RANBP2: variants seen among roughly 807,000 people sequenced by gnomAD.
RANBP2 encodes the protein E3 SUMO-protein ligase RanBP2.
A neutral mutation model predicts 303.6 loss-of-function variants in RANBP2; 57 were observed. The observed-to-expected ratio is 0.19, with a 90% CI of 0.15 to 0.23. The LOEUF is 0.23. RANBP2 is among the 10% of genes least tolerant of loss of function. The probability of loss-of-function intolerance (pLI) is 1.00; values close to 1 mark genes in which losing one functional copy is unlikely to be tolerated. For synonymous variants in RANBP2, 1,167 were observed against 1,301.5 expected (o/e 0.90, Z 2.23); for missense variants, 3,138 against 3,780.8 (o/e 0.83, Z 4.46).
the RANBP2 span, among the ~76,000 whole-genome samples, chr2:109,063,277 T>C: frequency 6.6e-6 from 1 of 152,140 alleles, no homozygotes; most frequent in Non-Finnish European, 1.5e-5. Flanking sequence ...GCTTTTGATC[T>C]TGCTTCAAAT....
chr2:109,602,103 CA>C, the RANBP2 span, among the ~76,000 whole-genome samples: 1 of 152,168 alleles, frequency 6.6e-6, no homozygotes, highest in South Asian at 2.1e-4. Context: ...AGGGTTCCAA[CA>C]GCGGCACAGT....
the RANBP2 span, among the ~76,000 whole-genome samples, chr2:109,078,305 G>GTA: frequency 1.1e-4 from 14 of 123,470 alleles, no homozygotes; most frequent in South Asian, 2.7e-4. Flanking sequence ...TATATAGCGT[G>GTA]TATATATATA....
chr2:109,507,442 G>A, the RANBP2 span, among the ~76,000 whole-genome samples: 1 of 152,316 alleles, frequency 6.6e-6, no homozygotes, highest in South Asian at 2.1e-4. Flanking sequence ...TGGGGCCTGT[G>A]AGCTGTTGGA....
the RANBP2 span, among the ~76,000 whole-genome samples, chr2:109,703,434 T>C: frequency 6.6e-6 from 1 of 152,234 alleles, no homozygotes; most frequent in African/African-American, 2.4e-5. Context: ...CTGTATTTTA[T>C]TTATTTATTC....
the RANBP2 span, among the ~76,000 whole-genome samples, chr2:109,218,822 G>A: frequency 6.6e-6 from 1 of 152,136 alleles, no homozygotes; most frequent in Non-Finnish European, 1.5e-5. Flanking sequence ...AAATACATTA[G>A]AGGTGATTAA....
At chr2:108,800,992 ATATATG>A in the RANBP2 span, among the ~76,000 whole-genome samples, 27 of 39,902 alleles carry the variant, frequency 6.8e-4, no homozygotes, top group African/African-American at 1.9e-3. Context: ...ATTCCATGGT[ATATATG>A]TGCCACATTT....
chr2:108,964,119 TG>T, the RANBP2 span, among the ~76,000 whole-genome samples: 1 of 152,230 alleles, frequency 6.6e-6, no homozygotes, highest in Non-Finnish European at 1.5e-5. Flanking sequence ...CACGTATGGC[TG>T]TGGCTACCCC....
At chr2:108,973,924 A>G in the RANBP2 span, among the ~76,000 whole-genome samples, 71,018 of 152,106 alleles carry the variant, frequency 0.47, 19,600 homozygotes, top group South Asian at 0.75. Context: ...TAAACCAATT[A>G]CGGAGCTGTA....
At chr2:109,067,347 C>T in the RANBP2 span, among the ~76,000 whole-genome samples, 1 of 152,228 alleles carries the variant, frequency 6.6e-6, no homozygotes, top group Non-Finnish European at 1.5e-5. Flanking sequence ...ATTATTCATC[C>T]TAAAAACACC....
the RANBP2 span, among the ~76,000 whole-genome samples, chr2:109,355,747 G>T: frequency 0.012 from 1,774 of 152,294 alleles, 35 homozygotes; most frequent in African/African-American, 0.04. Context: ...AACTTAACAC[G>T]CAGGTCCATG....
the RANBP2 span, among the ~76,000 whole-genome samples, chr2:109,253,668 G>T: frequency 6.6e-6 from 1 of 152,038 alleles, no homozygotes; most frequent in Non-Finnish European, 1.5e-5. Flanking sequence ...GTTGTATCTG[G>T]GTCATTTGGA....
the RANBP2 span, chr2:109,129,170 CG>C: frequency 1.1e-5 from 5 of 440,956 alleles, no homozygotes; most frequent in South Asian, 8.7e-5. Flanking sequence ...CACTTCCTGC[CG>C]CTGGTCTCCC....
At chr2:109,406,664 T>G in the RANBP2 span, among the ~76,000 whole-genome samples, 23 of 152,114 alleles carry the variant, frequency 1.5e-4, no homozygotes, top group African/African-American at 5.6e-4. Context: ...ATAACAGAGA[T>G]ATTGAGGCGT....
At chr2:109,116,050 G>C in the RANBP2 span, among the ~76,000 whole-genome samples, 1 of 152,198 alleles carries the variant, frequency 6.6e-6, no homozygotes, top group Non-Finnish European at 1.5e-5. Context: ...CTTTCTCTCT[G>C]TTTGCCCTTA....
the RANBP2 span, among the ~76,000 whole-genome samples, chr2:109,351,328 G>A: frequency 6.6e-6 from 1 of 152,230 alleles, no homozygotes; most frequent in East Asian, 1.9e-4. Context: ...TTCTGGGCCA[G>A]GAGCACCTCG....
the RANBP2 span, among the ~76,000 whole-genome samples, chr2:109,223,904 G>A: frequency 6.6e-6 from 1 of 152,212 alleles, no homozygotes; most frequent in African/African-American, 2.4e-5. Flanking sequence ...GGCTGAGGTA[G>A]GAGGATCAGA....
the RANBP2 span, among the ~76,000 whole-genome samples, chr2:109,119,337 G>A: frequency 6.6e-6 from 1 of 152,250 alleles, no homozygotes; most frequent in Non-Finnish European, 1.5e-5. Context: ...CTTCCCCCGA[G>A]GTTGGTTATT....
chr2:109,018,255 C>T, the RANBP2 span, among the ~76,000 whole-genome samples: 1 of 152,150 alleles, frequency 6.6e-6, no homozygotes, highest in Non-Finnish European at 1.5e-5. Flanking sequence ...CACTGGCAAA[C>T]AGACCCAGCA....
chr2:109,015,196 A>G, the RANBP2 span, among the ~76,000 whole-genome samples: 2 of 149,698 alleles, frequency 1.3e-5, no homozygotes, highest in African/African-American at 2.5e-5. Flanking sequence ...GGTGGGAACA[A>G]ATGTGTTAAT....
Sources: gnomAD v4.1 joint callset for allele counts (sites outside exome capture counted in the v4.1 genomes callset) on GRCh38, gnomAD v4.1.1 for gene constraint, MANE v1.5 for transcripts, NCBI Gene and HGNC (gene_info 2026-07-23, HGNC 2026-07-21) for gene names.